The following DCUN1D2 variants were observed in gnomAD, a reference collection of about 807,000 sequenced individuals.
DCUN1D2 encodes the protein DCN1-like protein 2.
A neutral mutation model predicts 30.9 loss-of-function variants in DCUN1D2; 29 were observed. That is an observed-to-expected ratio of 0.94 (90% CI 0.70 to 1.28). The LOEUF (loss-of-function observed/expected upper bound fraction) is 1.28. Among genes scored for constraint, DCUN1D2 ranks in the 50% most tolerant of loss-of-function variants. DCUN1D2 has a pLI of 0.00. For missense variants in DCUN1D2, 325 were observed against 316.9 expected (o/e 1.03, Z -0.19); for synonymous variants, 121 against 115.3 (o/e 1.05, Z -0.32).
At chr13:113,462,590 C>G (rs1005604742) in intron 4 of DCUN1D2, 29 of 210,896 alleles carry the variant, frequency 1.4e-4, no homozygotes, top group Non-Finnish European at 4.9e-5. Flanking sequence ...GCAAATCCCA[C>G]TTTAAATAAA....
intron 3 of DCUN1D2, among the ~76,000 whole-genome samples, chr13:113,477,664 G>C (rs1273600227): frequency 1.3e-5 from 2 of 151,148 alleles, no homozygotes; most frequent in Non-Finnish European, 2.9e-5. Flanking sequence ...CTTTTGGCCA[G>C]ATTAAGAACT....
chr13:113,473,781 A>G (rs2044564702), intron 4 of DCUN1D2, among the ~76,000 whole-genome samples: 1 of 152,222 alleles, frequency 6.6e-6, no homozygotes, highest in Admixed American at 6.5e-5. Context: ...AGAATGCCTG[A>G]GCTCAGGAGT....
chr13:113,458,176 AC>A, intron 6 of DCUN1D2, 68 bp from the exon 7 acceptor site: 1 of 1,287,498 alleles, frequency 7.8e-7, no homozygotes, highest in Non-Finnish European at 1.1e-6. Flanking sequence ...ACTGAGTCAC[AC>A]ATCAATCCAA....
chr13:113,472,490 C>T (rs577629855), intron 4 of DCUN1D2, among the ~76,000 whole-genome samples: 1 of 152,258 alleles, frequency 6.6e-6, no homozygotes, highest in African/African-American at 2.4e-5. Flanking sequence ...GAGCGGTCAC[C>T]AACACCAGAG....
Position 113,464,016 on chromosome 13 carries a change from T to C in DCUN1D2, c.521-2880A>G, listed in dbSNP as rs533213430. ...TGACGGCTCTACTTCTGGGCTATAGTCATAAAATTACTCTTCTTGCTTTAT... is the reference window on the plus strand; with the variant it reads ...TGACGGCTCTACTTCTGGGCTATAGCCATAAAATTACTCTTCTTGCTTTAT... On this transcript the variant is annotated intron_variant, in intron 4 of 6. Transcript: ENST00000478244. Among the ~76,000 whole-genome samples, 4 of 152,332 alleles carry C rather than the reference T, an allele frequency of 2.6e-5. No homozygotes were observed. The South Asian group carries it at 8.3e-4, about 32-fold the overall frequency.
intron 4 of DCUN1D2, chr13:113,462,760 T>C (rs2044339279): frequency 9.4e-7 from 1 of 1,062,340 alleles, no homozygotes; most frequent in South Asian, 2.6e-5. Context: ...CGCAGTAAAA[T>C]GCTAAGAAGA....
intron 4 of DCUN1D2, chr13:113,468,821 T>C (rs932731624): frequency 6.6e-6 from 1 of 152,100 alleles, no homozygotes; most frequent in African/African-American, 2.4e-5. Flanking sequence ...AAACCCAAGT[T>C]GTAAGCTAGG....
intron 4 of DCUN1D2, chr13:113,462,734 C>T: frequency 1.9e-6 from 2 of 1,027,558 alleles, no homozygotes; most frequent in South Asian, 6.8e-5. Context: ...GCTCTCTAGA[C>T]CTTACCGATG....
chr13:113,483,964 C>T lies in DCUN1D2; in HGVS notation c.96G>A (p.Gln32=), dbSNP rs758100517. 82 of 1,614,122 alleles carry T rather than the reference C, an allele frequency of 5.1e-5. No individual in the cohort carries two copies. Among genetic ancestry groups the T allele is most frequent in the Non-Finnish European group, 6.3e-5 (74 of 1,180,068 alleles). ...GERTAIYCLT[Q]NEWRLDEATD... is the part of the protein sequence containing the mutation. The stretch of plus-strand genomic sequence containing the variant: ...TGGCCTCGTCTAGTCTCCACTCATT[C>T]TGCGTTAAGCAGTAGATAGCAGTTC... Residue 32 remains glutamine, a synonymous_variant, in exon 2 of 7, where the codon CAG becomes CAA. Transcript: ENST00000478244.
intron 3 of DCUN1D2, among the ~76,000 whole-genome samples, chr13:113,476,534 A>T (rs1472544627): frequency 6.6e-6 from 1 of 152,190 alleles, no homozygotes; most frequent in Admixed American, 6.5e-5. Context: ...TTTTGTAGAA[A>T]TTCTTTATAT....
Position 113,461,212 on chromosome 13 carries a change from G to A in DCUN1D2, c.521-76C>T. The A allele has an allele frequency of 5.7e-6, 5 of 875,538 alleles. No homozygotes were observed. The African/African-American group carries it at 6.7e-5, about 12-fold the overall frequency. The allele number at this position is 875,538 out of a possible 1,614,324, so 54.2% of individuals were successfully genotyped here. Reference sequence around the variant, plus strand: ...CTGCACAAAAAACGACCACTTCTTAGCATGTCAATATTTACTTAATAAAAT... The same window carrying A: ...CTGCACAAAAAACGACCACTTCTTAACATGTCAATATTTACTTAATAAAAT... On this transcript the variant is annotated intron_variant, in intron 4 of 6. Coordinates refer to ENST00000478244, the MANE Select transcript of DCUN1D2 (RefSeq NM_001014283.2).
At chr13:113,481,414 ATT>A (rs1340939518) in intron 2 of DCUN1D2, among the ~76,000 whole-genome samples, 1 of 152,234 alleles carries the variant, frequency 6.6e-6, no homozygotes, top group Non-Finnish European at 1.5e-5. Context: ...TTTCAGACAG[ATT>A]ATATCATATT....
Position 113,472,586 on chromosome 13 carries a change from C to T in DCUN1D2, c.520+1538G>A, listed in dbSNP as rs117243032. Among the ~76,000 whole-genome samples, 707 of 152,298 alleles carry T rather than the reference C, an allele frequency of 4.6e-3. 32 individuals are homozygous for T. The East Asian group carries it at 0.11, about 24-fold the overall frequency. On this transcript the variant is annotated intron_variant, in intron 4 of 6. Coordinates refer to ENST00000478244, the MANE Select transcript of DCUN1D2 (RefSeq NM_001014283.2). ...AGGAAGCAGGGAACGCACTCGCCCCCGAGGTCATCCGGCCTTTCTGAGCAG... is the reference window on the plus strand; with the variant it reads ...AGGAAGCAGGGAACGCACTCGCCCCTGAGGTCATCCGGCCTTTCTGAGCAG...
chr13:113,470,777 CCA>C (rs2044492581), intron 4 of DCUN1D2, among the ~76,000 whole-genome samples: 1 of 150,502 alleles, frequency 6.6e-6, no homozygotes, highest in East Asian at 2.0e-4. Context: ...AGACACAACT[CCA>C]CAAGGGACCC....
intron 4 of DCUN1D2, among the ~76,000 whole-genome samples, chr13:113,466,850 AG>A (rs2044412324): frequency 7.5e-6 from 1 of 132,458 alleles, no homozygotes; most frequent in Admixed American, 9.5e-5. Flanking sequence ...TCTGTCGCCC[AG>A]GCTGGAGTGC....
chr13:113,489,900 A>G (rs529980888), intron 1 of DCUN1D2, among the ~76,000 whole-genome samples: 45 of 151,920 alleles, frequency 3.0e-4, no homozygotes, highest in Middle Eastern at 3.4e-3. Flanking sequence ...TGGTCAAACA[A>G]TTGTGCATCT....
At chr13:113,466,952 G>A (rs952376871) in intron 4 of DCUN1D2, among the ~76,000 whole-genome samples, 8 of 151,904 alleles carry the variant, frequency 5.3e-5, no homozygotes, top group African/African-American at 1.5e-4. Flanking sequence ...GACTACAGGC[G>A]CCCGCCACCA....
At chr13:113,468,829 AGGG>A (rs922607612) in intron 4 of DCUN1D2, 2 of 152,312 alleles carry the variant, frequency 1.3e-5, no homozygotes, top group African/African-American at 4.8e-5. Flanking sequence ...GTTGTAAGCT[AGGG>A]GATGAGCCAC....
At chr13:113,464,462 T>G (rs1015486425) in intron 4 of DCUN1D2, among the ~76,000 whole-genome samples, 1 of 152,242 alleles carries the variant, frequency 6.6e-6, no homozygotes, top group Non-Finnish European at 1.5e-5. Flanking sequence ...GAAACATTCA[T>G]GCACAAAGAA....
Sources: allele counts gnomAD v4.1 joint callset (sites outside exome capture counted in the v4.1 genomes callset), GRCh38; gene constraint gnomAD v4.1.1; transcripts MANE v1.5; gene names NCBI Gene and HGNC (gene_info 2026-07-23, HGNC 2026-07-21).